The following RBFOX1 variants were observed in gnomAD, a reference collection of about 807,000 sequenced individuals.
RBFOX1 encodes RNA binding fox-1 homolog 1.
In RBFOX1, 8 loss-of-function variants were observed where a neutral mutation model predicts 57.7. The observed-to-expected ratio is 0.14, with a 90% confidence interval of 0.08 to 0.25. The LOEUF is 0.25. Among genes scored for constraint, RBFOX1 ranks in the 10% least tolerant of loss-of-function variants. The pLI, the probability that RBFOX1 is intolerant of heterozygous loss-of-function variation, is 1.00. For missense variants in RBFOX1, 611 were observed against 548.5 expected, an observed-to-expected ratio of 1.11 and a Z score of -1.14; for synonymous variants, 326 against 222.4, an observed-to-expected ratio of 1.47 and a Z score of -4.15.
intron 3 of RBFOX1, chr16:6,773,974 C>G (rs73528889): frequency 2.0e-6 from 2 of 985,278 alleles, no homozygotes; most frequent in Non-Finnish European, 2.4e-6. Context: ...ATGGTCCTCC[C>G]GTTTTCAACT....
At chr16:5,997,895 G>C (rs1416430854) in intron 4 of RBFOX1, among the ~76,000 whole-genome samples, 1 of 152,054 alleles carries the variant, frequency 6.6e-6, no homozygotes, top group African/African-American at 2.4e-5. Flanking sequence ...TGATTTTCAA[G>C]ATGTTAGAGT....
intron 1 of RBFOX1, among the ~76,000 whole-genome samples, chr16:6,221,305 CACT>C (rs952671765): frequency 1.3e-5 from 2 of 152,084 alleles, no homozygotes; most frequent in Admixed American, 1.3e-4. Context: ...GAAACTGTAT[CACT>C]GCTGTTTAAT....
At chr16:6,362,336 C>G (rs1213658799) in intron 2 of RBFOX1, among the ~76,000 whole-genome samples, 1 of 152,104 alleles carries the variant, frequency 6.6e-6, no homozygotes, top group African/African-American at 2.4e-5. Flanking sequence ...TAACCAAAGG[C>G]AAACATCTTA....
chr16:6,629,282 C>T (rs938219012), intron 2 of RBFOX1, among the ~76,000 whole-genome samples: 2 of 152,124 alleles, frequency 1.3e-5, no homozygotes, highest in East Asian at 1.9e-4. Context: ...TCAAAAAGAA[C>T]ACGAGCATAT....
At chr16:7,035,235 A>G (rs1418317114) in intron 3 of RBFOX1, among the ~76,000 whole-genome samples, 1 of 151,906 alleles carries the variant, frequency 6.6e-6, no homozygotes, top group East Asian at 1.9e-4. Flanking sequence ...ATCCTGCAGG[A>G]TACTCCAAGT....
intron 3 of RBFOX1, among the ~76,000 whole-genome samples, chr16:5,614,327 C>G (rs147965228): frequency 6.6e-6 from 1 of 152,182 alleles, no homozygotes; most frequent in South Asian, 2.1e-4. Context: ...CAGGAGGGCT[C>G]TGGGCCAGTG....
Position 5,454,840 on chromosome 16 carries a change from CCTTTCTTT to C in RBFOX1, c.220-12367_220-12360del, listed in dbSNP as rs143414380. Among the ~76,000 whole-genome samples, 360 of 104,882 alleles carry C rather than the reference CCTTTCTTT, an allele frequency of 3.4e-3. 1 individual carries two copies. The highest frequency in any genetic ancestry group is 5.2e-3 in the Middle Eastern group (1 of 194). 68.8% of individuals were successfully genotyped at this position (104,882 alleles called of 152,430 possible). A position where few individuals can be genotyped will look rare whatever the true frequency, so the allele number is the denominator to read the frequency against. The stretch of plus-strand genomic sequence containing the variant: ...TTTCCTTTCTTTCCTTGCTTTCTTT[CCTTTCTTT>C]CTTTCTTTTCTTTCTTTCTTTCTTT... On this transcript the variant is annotated intron_variant, in intron 1 of 2. Transcript: ENST00000585867.
At chr16:5,418,330 C>G (rs77809822) in intron 1 of RBFOX1, among the ~76,000 whole-genome samples, 2 of 151,808 alleles carry the variant, frequency 1.3e-5, no homozygotes, top group East Asian at 3.9e-4. Flanking sequence ...GGGGGCATCT[C>G]GGTGGGAGGC....
At chr16:6,994,054 T>C (rs2091912294) in intron 3 of RBFOX1, among the ~76,000 whole-genome samples, 2 of 152,176 alleles carry the variant, frequency 1.3e-5, no homozygotes, top group African/African-American at 2.4e-5. Flanking sequence ...TCTGGGAGTT[T>C]AACAAACAGG....
intron 3 of RBFOX1, among the ~76,000 whole-genome samples, chr16:5,862,442 C>G (rs773246020): frequency 2.0e-5 from 3 of 152,112 alleles, no homozygotes; most frequent in Admixed American, 2.0e-4. Flanking sequence ...GTTGGCACAG[C>G]CATCCCTACT....
intron 2 of RBFOX1, among the ~76,000 whole-genome samples, chr16:6,467,570 T>A (rs1254864067): frequency 1.3e-5 from 2 of 152,174 alleles, no homozygotes; most frequent in Non-Finnish European, 2.9e-5. Flanking sequence ...TTGTAGAACA[T>A]TAATTTTGCT....
intron 3 of RBFOX1, among the ~76,000 whole-genome samples, chr16:6,969,440 A>G (rs904798015): frequency 5.3e-5 from 8 of 151,926 alleles, no homozygotes; most frequent in African/African-American, 1.9e-4. Flanking sequence ...ACAACATTAC[A>G]TTCAAATAAG....
At chr16:5,846,180 T>TA (rs2056752219) in intron 3 of RBFOX1, among the ~76,000 whole-genome samples, 2 of 146,212 alleles carry the variant, frequency 1.4e-5, no homozygotes, top group South Asian at 2.2e-4. Flanking sequence ...AGGCACTGTC[T>TA]TAAAAAAAAA....
chr16:7,682,606 A>AT (rs879761790), intron 14 of RBFOX1, among the ~76,000 whole-genome samples: 105 of 148,712 alleles, frequency 7.1e-4, no homozygotes, highest in Admixed American at 1.8e-3. Flanking sequence ...GGGTTCTATA[A>AT]TTTTTTTTAA....
intron 3 of RBFOX1, among the ~76,000 whole-genome samples, chr16:7,043,375 C>G (rs1305016941): frequency 3.9e-5 from 6 of 152,086 alleles, no homozygotes; most frequent in Non-Finnish European, 7.3e-5. Context: ...ATACACACCC[C>G]CTTTCATTAG....
chr16:7,286,448 A>T (rs868061432), intron 4 of RBFOX1, among the ~76,000 whole-genome samples: 206 of 121,826 alleles, frequency 1.7e-3, no homozygotes, highest in African/African-American at 4.4e-3. Flanking sequence ...ATACTTTCTT[A>T]TTTTTTTTTT....
chr16:5,526,450 G>A (rs954286817), intron 2 of RBFOX1, among the ~76,000 whole-genome samples: 5 of 152,012 alleles, frequency 3.3e-5, no homozygotes, highest in African/African-American at 4.8e-5. Flanking sequence ...CACCATGTCC[G>A]GCTAATTTTT....
chr16:7,244,764 T>G (rs534292945), intron 4 of RBFOX1, among the ~76,000 whole-genome samples: 1 of 152,226 alleles, frequency 6.6e-6, no homozygotes, highest in East Asian at 1.9e-4. Context: ...ACCTGGGAGG[T>G]CATCACACTC....
At chr16:6,257,863 T>C (rs944558608) in intron 1 of RBFOX1, among the ~76,000 whole-genome samples, 1 of 152,210 alleles carries the variant, frequency 6.6e-6, no homozygotes, top group Admixed American at 6.5e-5. Flanking sequence ...TTTTCTACTG[T>C]GAATAGTGCT....
Sources: allele counts gnomAD v4.1 joint callset (sites outside exome capture counted in the v4.1 genomes callset), GRCh38; gene constraint gnomAD v4.1.1; transcripts MANE v1.5; gene names NCBI Gene and HGNC (gene_info 2026-07-23, HGNC 2026-07-21).